Variants in SRSF1 observed in about 807,000 individuals in gnomAD.
The protein encoded by SRSF1 is serine and arginine rich splicing factor 1.
SRSF1 carries 1 observed loss-of-function variant against 25.9 expected under a neutral mutation model. That is an observed-to-expected ratio of 0.04 (90% CI 0.01 to 0.18). SRSF1 has a LOEUF of 0.18. Among genes scored for constraint, SRSF1 ranks in the 10% least tolerant of loss-of-function variants. SRSF1 has a pLI of 1.00. For missense variants in SRSF1, 65 were observed against 350.5 expected (o/e 0.19, Z 6.50); for synonymous variants, 132 against 126.2 (o/e 1.05, Z -0.31).
rs934615325 is a variant in SRSF1 at position 58,002,071 on chromosome 17, T to C, written c.*3335A>G. Among the ~76,000 whole-genome samples the C allele has an allele frequency of 3.3e-5, 5 of 152,326 alleles. No homozygotes were observed. The East Asian group carries it at 9.6e-4, about 29-fold the overall frequency. On this transcript the variant is annotated 3_prime_UTR_variant, in exon 4 of 4. Transcript: ENST00000258962. ...TCACATTAACCTTCCAAAATTATCA[T>C]TAATCATTTATTTTCCCTTTAATAA... is the stretch of plus-strand genomic sequence containing the variant.
the SRSF1 span, chr17:57,989,090 C>T: frequency 1.8e-5 from 7 of 397,302 alleles, no homozygotes; most frequent in East Asian, 2.5e-4. Context: ...CCTCCTTCAC[C>T]CCCAGAACAA....
the SRSF1 span, chr17:57,989,939 G>C: frequency 2.5e-6 from 1 of 393,806 alleles, no homozygotes; most frequent in Non-Finnish European, 4.5e-6. Flanking sequence ...TTCTTGCTCT[G>C]ACCTTGGACA....
the SRSF1 span, chr17:57,992,021 A>G: frequency 6.6e-6 from 1 of 152,250 alleles, no homozygotes; most frequent in Non-Finnish European, 1.5e-5. Flanking sequence ...AAGAATGTTC[A>G]CACAATCCAA....
downstream of SRSF1, among the ~76,000 whole-genome samples, chr17:57,997,892 G>A (rs1002163715): frequency 3.9e-5 from 6 of 152,126 alleles, no homozygotes; most frequent in Admixed American, 6.5e-5. Context: ...GTTACACTGC[G>A]AACCAACATT....
At chr17:58,006,659 G>A (rs568782124) in intron 1 of SRSF1, 132 bp from the exon 2 acceptor site, 4 of 1,118,402 alleles carry the variant, frequency 3.6e-6, no homozygotes, top group East Asian at 2.6e-5. Context: ...AATAGGAATG[G>A]CCCCTCCCCC....
At chr17:57,990,787 A>C in the SRSF1 span, 2 of 152,256 alleles carry the variant, frequency 1.3e-5, no homozygotes, top group African/African-American at 4.8e-5. Context: ...CAATGTGCCT[A>C]CATCTACCCA....
Position 58,002,274 on chromosome 17 carries a change from A to T in SRSF1, c.*3132T>A, listed in dbSNP as rs1161795194. 6.6e-6 allele frequency among the ~76,000 whole-genome samples: 1 copy of T among 152,198 alleles called. No homozygotes were observed. The highest frequency in any genetic ancestry group is 6.5e-5 in the Admixed American group (1 of 15,280). On this transcript the variant is annotated 3_prime_UTR_variant, in exon 4 of 4. Transcript: ENST00000258962. ...AAGTACTTAGTGAAATTCTGCATTC[A>T]ACTTAACATCCCCTCTTCCCAACAT...
At chr17:57,990,804 A>T in the SRSF1 span, 13,106 of 152,266 alleles carry the variant, frequency 0.086, 698 homozygotes, top group African/African-American at 0.16. Context: ...CCCAAACAAA[A>T]GTCAGATCCC....
At position 58,002,051 on chromosome 17, in the gene SRSF1, T is replaced by C. The variant is rs911080834; in HGVS notation, c.*3355A>G. Among the ~76,000 whole-genome samples, 1 of 152,222 alleles carries C rather than the reference T, an allele frequency of 6.6e-6. No homozygotes were observed. Among genetic ancestry groups the C allele is most frequent in the Admixed American group, 6.5e-5 (1 of 15,282 alleles). ...AAAGTTTACTTAAGTCTAGCTCACA[T>C]TAACCTTCCAAAATTATCATTAATC... is the stretch of plus-strand genomic sequence containing the variant. On this transcript the variant is annotated 3_prime_UTR_variant, in exon 4 of 4. Transcript: ENST00000258962.
the SRSF1 span, chr17:57,990,928 C>T: frequency 6.6e-6 from 1 of 152,194 alleles, no homozygotes; most frequent in Non-Finnish European, 1.5e-5. Context: ...AACAAAATAT[C>T]TACCTCACAA....
In SRSF1 at chr17:58,001,146, A is replaced by G. The variant is rs1356382781; in HGVS notation, c.*4260T>C. ...CATATATATAACTTACTTGCAATTT[A>G]AATTACAAAATTCATATACAAAGTA... On this transcript the variant is annotated 3_prime_UTR_variant, in exon 4 of 4. Transcript: ENST00000258962. Among the ~76,000 whole-genome samples the G allele has an allele frequency of 1.3e-5, 2 of 152,172 alleles. No individual in the cohort carries two copies. The highest frequency in any genetic ancestry group is 4.8e-5 in the African/African-American group (2 of 41,458).
At chr17:58,006,279 G>T in intron 2 of SRSF1, 64 bp downstream of exon 2, 1 of 1,524,046 alleles carries the variant, frequency 6.6e-7, no homozygotes, top group Non-Finnish European at 8.8e-7. Context: ...AACCTGTCAC[G>T]CAAGAGAAAA....
downstream of SRSF1, among the ~76,000 whole-genome samples, chr17:57,998,625 A>G (rs1010656461): frequency 6.6e-6 from 1 of 152,238 alleles, no homozygotes; most frequent in African/African-American, 2.4e-5. Flanking sequence ...GATTAAAGAC[A>G]GGCTTCAATC....
downstream of SRSF1, among the ~76,000 whole-genome samples, chr17:57,996,777 T>C (rs779874832): frequency 6.6e-6 from 1 of 152,124 alleles, no homozygotes; most frequent in Admixed American, 6.5e-5. Flanking sequence ...GTCTCTTGGT[T>C]TTGAGAGAAT....
chr17:57,989,763 C>T, the SRSF1 span: 5 of 398,644 alleles, frequency 1.3e-5, no homozygotes, highest in African/African-American at 2.1e-5. Flanking sequence ...GGATCAGTAG[C>T]AGAAGCAGGT....
At chr17:58,006,046 G>A (rs1022346439) in intron 2 of SRSF1, 73 bp from the exon 3 acceptor site, 4 of 1,426,746 alleles carry the variant, frequency 2.8e-6, no homozygotes, top group African/African-American at 1.4e-5. Context: ...GGTACATTAG[G>A]ACAAAGAGTA....
the SRSF1 span, chr17:57,993,711 G>A: frequency 6.6e-6 from 1 of 152,206 alleles, no homozygotes; most frequent in African/African-American, 2.4e-5. Context: ...GAAGAATCTA[G>A]ATTTTTTTCC....
chr17:58,005,320 A>T lies in SRSF1; in HGVS notation c.*86T>A. 6.9e-7 allele frequency: 1 copy of T among 1,445,652 alleles called. No individual in the cohort carries two copies. Among genetic ancestry groups the T allele is most frequent in the South Asian group, 1.3e-5 (1 of 79,556 alleles). The allele number at this position is 1,445,652 out of a possible 1,614,324, so 89.6% of individuals were successfully genotyped here. A position where few individuals can be genotyped will look rare whatever the true frequency, so the allele number is the denominator to read the frequency against. The stretch of plus-strand genomic sequence containing the variant: ...CACTTTAGCCCATTCTGAACAAAAC[A>T]GTTTGAATTAAAAAATGAAAAGATT... On this transcript the variant is annotated 3_prime_UTR_variant, in exon 4 of 4. Transcript: ENST00000258962. The surrounding 1 kb of genome is among the most constrained non-coding windows in gnomAD (Gnocchi z 5.2).
At chr17:57,994,943 C>G in the SRSF1 span, 4 of 152,154 alleles carry the variant, frequency 2.6e-5, no homozygotes, top group Non-Finnish European at 5.9e-5. Flanking sequence ...ACTGAAGAAA[C>G]CAAGCCTTGC....
Sources: gnomAD v4.1 joint callset for allele counts (sites outside exome capture counted in the v4.1 genomes callset) on GRCh38, gnomAD v4.1.1 for gene constraint, Gnocchi (gnomAD v3.1) non-coding constraint, MANE v1.5 for transcripts, NCBI Gene and HGNC (gene_info 2026-07-23, HGNC 2026-07-21) for gene names.